Variants in MS4A5 observed in about 807,000 individuals in gnomAD.
MS4A5 encodes membrane-spanning 4-domains subfamily A member 5.
In MS4A5, 15 loss-of-function variants were observed where a neutral mutation model predicts 18.2. The ratio of observed to expected loss-of-function variants is 0.83; its 90% CI spans 0.55 to 1.27. The LOEUF is 1.27. MS4A5 is among the 50% of genes most tolerant of loss of function. MS4A5 has a pLI of 0.00. For synonymous variants in MS4A5, 89 were observed against 78.7 expected (o/e 1.13, Z -0.69); for missense variants, 232 against 225.7 (o/e 1.03, Z -0.18).
intron 4 of MS4A5, among the ~76,000 whole-genome samples, chr11:60,440,315 T>C (rs2086103660): frequency 1.7e-5 from 2 of 120,208 alleles, no homozygotes; most frequent in Non-Finnish European, 3.6e-5. Context: ...CCTAAAACCA[T>C]AAAAACCCTA....
At chr11:60,441,170 C>T (rs1227111662) in intron 4 of MS4A5, among the ~76,000 whole-genome samples, 5 of 128,516 alleles carry the variant, frequency 3.9e-5, no homozygotes, top group South Asian at 5.2e-4. Context: ...AGTAATCTAT[C>T]GCAAGAACAA....
At position 60,432,435 on chromosome 11, in the gene MS4A5, A is replaced by G. The variant is rs763143458; in HGVS notation, c.307A>G (p.Ile103Val). The G allele has an allele frequency of 1.1e-5, 18 of 1,593,598 alleles. No homozygotes were observed. The Middle Eastern group carries it at 5.0e-4, about 44-fold the overall frequency. Residue 103 changes from isoleucine to valine, a missense_variant, in exon 3 of 5, where the codon ATT becomes GTT. Transcript: ENST00000300190. ...VLFINSGAFL[I>V]AVKRKTTETL... ...GTTCATTAATTCTGGAGCCTTCCTA[A>G]TTGCAGTGAAAAGAAAAACCACAGA...
At chr11:60,442,898 T>C (rs2086121516) in intron 4 of MS4A5, among the ~76,000 whole-genome samples, 1 of 152,184 alleles carries the variant, frequency 6.6e-6, no homozygotes, top group Non-Finnish European at 1.5e-5. Flanking sequence ...CCCAGGACTT[T>C]GGGAGGCCAA....
In MS4A5 at chr11:60,447,510, A is replaced by C. The variant is rs539207049; in HGVS notation, c.493-139A>C. 6.8e-5 allele frequency: 40 copies of C among 592,354 alleles called. No individual in the cohort carries two copies. In the South Asian group the frequency reaches 8.0e-4, roughly 12 times the overall value. The allele number at this position is 592,354 out of a possible 1,614,324, so 36.7% of individuals were successfully genotyped here. On this transcript the variant is annotated intron_variant, in intron 4 of 4. Coordinates refer to ENST00000300190, the MANE Select transcript of MS4A5 (RefSeq NM_023945.3). ...ACTCTGAAAATCCTTCACTGATTTG[A>C]TTCCTAAGCATCAGATACACTTGAG... is the stretch of plus-strand genomic sequence containing the variant.
At position 60,435,715 on chromosome 11, in the gene MS4A5, T is replaced by C. The variant is rs574362874; in HGVS notation, c.492+1798T>C. 2.0e-5 allele frequency among the ~76,000 whole-genome samples: 3 copies of C among 152,210 alleles called. No homozygotes were observed. The South Asian group carries it at 6.2e-4, about 32-fold the overall frequency. On this transcript the variant is annotated intron_variant, in intron 4 of 4. Transcript: ENST00000300190. The stretch of plus-strand genomic sequence containing the variant: ...GGTCACTCCCACCCGAATACTGCGC[T>C]TTTCCGACGGGCTTAAAAAACGGCG...
In MS4A5 at chr11:60,429,688, C is replaced by T. The variant is rs770739934; in HGVS notation, c.14C>T (p.Thr5Ile). MDSS[T>I]AHSPVFLVFP... is the part of the protein sequence containing the mutation. ...ACCGACACCATCATGGATTCAAGCA[C>T]CGCACACAGTCCGGTGTTTCTGGTA... The change falls in exon 1 of 5, where the codon ACC becomes ATC. Residue 5 changes from threonine to isoleucine, a missense_variant. Coordinates refer to ENST00000300190, the MANE Select transcript of MS4A5 (RefSeq NM_023945.3). The T allele has an allele frequency of 5.6e-6, 9 of 1,612,838 alleles. No homozygotes were observed. Among genetic ancestry groups the T allele is most frequent in the South Asian group, 2.2e-5 (2 of 90,808 alleles).
chr11:60,436,411 C>A (rs1461313318), intron 4 of MS4A5, among the ~76,000 whole-genome samples: 1 of 139,620 alleles, frequency 7.2e-6, no homozygotes, highest in Non-Finnish European at 1.6e-5. Flanking sequence ...AGCAACGGAA[C>A]AAAGCTGGAT....
chr11:60,437,534 T>C (rs2086087106), intron 4 of MS4A5, among the ~76,000 whole-genome samples: 1 of 152,120 alleles, frequency 6.6e-6, no homozygotes, highest in South Asian at 2.1e-4. Context: ...ATGCATCTCA[T>C]GTGCAGAGAC....
rs1330537366 is a variant in MS4A5 at position 60,444,749 on chromosome 11, G to C, written c.493-2900G>C. On this transcript the variant is annotated intron_variant, in intron 4 of 4. Transcript: ENST00000300190. ...CACACCAGAATCATTTTAATTAAAA[G>C]GACCACCAATACCGGGTGTTGGAAG... Among the ~76,000 whole-genome samples, 7 of 152,174 alleles carry C rather than the reference G, an allele frequency of 4.6e-5. No individual in the cohort carries two copies. The South Asian group carries it at 1.3e-3, about 27-fold the overall frequency.
chr11:60,438,439 G>A (rs1444112859), intron 4 of MS4A5, among the ~76,000 whole-genome samples: 1 of 151,978 alleles, frequency 6.6e-6, no homozygotes, highest in Non-Finnish European at 1.5e-5. Context: ...AGAACTGAAG[G>A]AAATAGAGAC....
At position 60,432,402 on chromosome 11, in the gene MS4A5, T is replaced by C. The variant is rs1219206279; in HGVS notation, c.283-9T>C. 4 of 1,561,926 alleles carry C rather than the reference T, an allele frequency of 2.6e-6. No homozygotes were observed. The East Asian group carries it at 9.0e-5, about 35-fold the overall frequency. On this transcript the variant is annotated splice_polypyrimidine_tract_variant and intron_variant, in intron 2 of 4. Coordinates refer to ENST00000300190, the MANE Select transcript of MS4A5 (RefSeq NM_023945.3). ...TGGTCATCATTAACATATTTATTCC[T>C]CTTAACAGTTCATTAATTCTGGAGC... is the stretch of plus-strand genomic sequence containing the variant.
At chr11:60,441,428 T>TA (rs35030888) in intron 4 of MS4A5, among the ~76,000 whole-genome samples, 80,589 of 91,088 alleles carry the variant, frequency 0.88, 35,555 homozygotes, top group East Asian at 0.92. Flanking sequence ...TAAAGTATAA[T>TA]AAAAAAAAAG....
chr11:60,431,302 G>T (rs979591332), intron 2 of MS4A5, among the ~76,000 whole-genome samples: 4 of 152,238 alleles, frequency 2.6e-5, no homozygotes, highest in African/African-American at 9.6e-5. Context: ...TGTTATCACA[G>T]AGGTGCAGGA....
intron 4 of MS4A5, among the ~76,000 whole-genome samples, chr11:60,438,136 A>G (rs912158462): frequency 6.6e-6 from 1 of 152,116 alleles, no homozygotes; most frequent in African/African-American, 2.4e-5. Flanking sequence ...AAACTGCTCA[A>G]CTACATGGAA....
chr11:60,445,129 G>A (rs1219476649), intron 4 of MS4A5, among the ~76,000 whole-genome samples: 1 of 152,168 alleles, frequency 6.6e-6, no homozygotes, highest in Non-Finnish European at 1.5e-5. Flanking sequence ...AACACATGAT[G>A]CTAGAAATCA....
At chr11:60,432,959 A>G (rs2086059088) in intron 3 of MS4A5, among the ~76,000 whole-genome samples, 1 of 152,206 alleles carries the variant, frequency 6.6e-6, no homozygotes, top group African/African-American at 2.4e-5. Context: ...TCCTAGAATT[A>G]TAACCCATTA....
chr11:60,447,464 C>CCTATTCTATGCTATGCTATA (rs2086147459), intron 4 of MS4A5, among the ~76,000 whole-genome samples, 185 bp from the exon 5 acceptor site: 1 of 152,218 alleles, frequency 6.6e-6, no homozygotes, highest in Admixed American at 6.5e-5. Context: ...GCTATGCTAT[C>CCTATTCTATGCTATGCTATA]CTATGCTTAA....
At chr11:60,447,428 T>C (rs904703105) in intron 4 of MS4A5, among the ~76,000 whole-genome samples, 8 of 152,242 alleles carry the variant, frequency 5.3e-5, no homozygotes, top group African/African-American at 1.7e-4. Context: ...TCCTAGGCTA[T>C]GCTATGCTAT....
chr11:60,431,061 TC>T, intron 2 of MS4A5, 137 bp downstream of exon 2: 2 of 873,380 alleles, frequency 2.3e-6, no homozygotes, highest in South Asian at 1.8e-5. Flanking sequence ...TGAAATTATT[TC>T]CCCATTAGTT....
Sources: gnomAD v4.1 joint callset for allele counts (sites outside exome capture counted in the v4.1 genomes callset) on GRCh38, gnomAD v4.1.1 for gene constraint, MANE v1.5 for transcripts, NCBI Gene and HGNC (gene_info 2026-07-23, HGNC 2026-07-21) for gene names.